KIAA1217: variants seen among roughly 807,000 people sequenced by gnomAD.
KIAA1217 encodes the protein sickle tail protein homolog.
Under a neutral mutation model 163.9 loss-of-function variants are expected in KIAA1217, and 88 were observed. The ratio of observed to expected loss-of-function variants is 0.54; its 90% CI spans 0.45 to 0.64. KIAA1217 has a LOEUF of 0.64. Among genes scored for constraint, KIAA1217 ranks in the 30% least tolerant of loss-of-function variants. The probability of loss-of-function intolerance (pLI) is 0.00; values close to 1 mark genes in which losing one functional copy is unlikely to be tolerated. For missense variants in KIAA1217, 2,372 were observed against 2,475.0 expected (o/e 0.96, Z 0.88); for synonymous variants, 903 against 923.1 (o/e 0.98, Z 0.39).
chr10:24,230,502 G>GTTTTTTTTTTTT (rs71397936), intron 2 of KIAA1217, among the ~76,000 whole-genome samples: 5 of 90,606 alleles, frequency 5.5e-5, no homozygotes, highest in African/African-American at 1.3e-4. Context: ...TATTTGTTTT[G>GTTTTTTTTTTTT]TTTTTTTTTT....
intron 2 of KIAA1217, among the ~76,000 whole-genome samples, chr10:24,316,226 A>T (rs1408163046): frequency 1.3e-5 from 2 of 152,170 alleles, no homozygotes; most frequent in Non-Finnish European, 2.9e-5. Flanking sequence ...CTGTGATTTG[A>T]GTCCCTTCAA....
chr10:24,482,876 T>C (rs1475919410), intron 6 of KIAA1217: 1 of 151,936 alleles, frequency 6.6e-6, no homozygotes, highest in African/African-American at 2.4e-5. Context: ...TTTGAAAAAT[T>C]AGGTGTGGTG....
At chr10:24,451,464 A>G (rs771486037) in intron 5 of KIAA1217, among the ~76,000 whole-genome samples, 1 of 152,254 alleles carries the variant, frequency 6.6e-6, no homozygotes, top group Non-Finnish European at 1.5e-5. Context: ...AGACATCAAC[A>G]CAGCAGCAAA....
At chr10:23,984,796 CA>C (rs1472137929) in intron 1 of KIAA1217, among the ~76,000 whole-genome samples, 2 of 151,862 alleles carry the variant, frequency 1.3e-5, no homozygotes, top group African/African-American at 4.8e-5. Context: ...AGCATTAGGA[CA>C]AGTACCTAAT....
At chr10:24,066,940 A>G (rs1031877896) in intron 2 of KIAA1217, among the ~76,000 whole-genome samples, 15 of 152,166 alleles carry the variant, frequency 9.9e-5, no homozygotes, top group African/African-American at 3.4e-4. Context: ...TGCATCAGTT[A>G]CTGAGGCTTG....
chr10:24,176,601 A>G (rs1224216459), intron 2 of KIAA1217, among the ~76,000 whole-genome samples: 1 of 152,224 alleles, frequency 6.6e-6, no homozygotes, highest in Non-Finnish European at 1.5e-5. Flanking sequence ...TGCATTTACA[A>G]TCCTCCAGCT....
chr10:23,906,741 G>T (rs1842178036), intron 1 of KIAA1217, among the ~76,000 whole-genome samples: 1 of 152,108 alleles, frequency 6.6e-6, no homozygotes, highest in Non-Finnish European at 1.5e-5. Context: ...AGTTATTACT[G>T]CTGGAGCTCT....
chr10:24,178,487 ACTTTTC>A (rs2066013012), intron 2 of KIAA1217, among the ~76,000 whole-genome samples: 1 of 152,214 alleles, frequency 6.6e-6, no homozygotes, highest in Non-Finnish European at 1.5e-5. Flanking sequence ...GAAATTCTGG[ACTTTTC>A]CTTTGTAACT....
chr10:24,271,113 C>G (rs1245031252), intron 2 of KIAA1217, among the ~76,000 whole-genome samples: 1 of 152,120 alleles, frequency 6.6e-6, no homozygotes, highest in Non-Finnish European at 1.5e-5. Flanking sequence ...TAGTTTGGCT[C>G]CATTTTCAAA....
chr10:24,344,538 A>C (rs2047486908), intron 2 of KIAA1217, among the ~76,000 whole-genome samples: 1 of 152,228 alleles, frequency 6.6e-6, no homozygotes, highest in African/African-American at 2.4e-5. Flanking sequence ...ATTATTGGGG[A>C]ATGTGGAAAC....
At chr10:24,028,604 G>T (rs1018547129) in intron 2 of KIAA1217, among the ~76,000 whole-genome samples, 1 of 152,152 alleles carries the variant, frequency 6.6e-6, no homozygotes, top group African/African-American at 2.4e-5. Context: ...CAAGGAGCAT[G>T]TGACCAATTG....
intron 2 of KIAA1217, among the ~76,000 whole-genome samples, chr10:24,164,790 G>A (rs59755412): frequency 2.6e-5 from 4 of 152,124 alleles, no homozygotes; most frequent in Non-Finnish European, 4.4e-5. Flanking sequence ...AGGTGGAAAG[G>A]CCCTGCTATC....
At chr10:24,435,839 C>T (rs1325687590) in intron 4 of KIAA1217, among the ~76,000 whole-genome samples, 6 of 151,480 alleles carry the variant, frequency 4.0e-5, no homozygotes, top group South Asian at 2.1e-4. Flanking sequence ...CTTGTTGATC[C>T]GTAAGTTGTA....
At chr10:24,067,972 G>A (rs186356452) in intron 2 of KIAA1217, among the ~76,000 whole-genome samples, 225 of 152,312 alleles carry the variant, frequency 1.5e-3, no homozygotes, top group African/African-American at 4.6e-3. Flanking sequence ...CTGGTGTGCC[G>A]TTTGTGAAGC....
At chr10:24,249,390 T>C (rs1234753138) in intron 2 of KIAA1217, among the ~76,000 whole-genome samples, 1 of 152,220 alleles carries the variant, frequency 6.6e-6, no homozygotes, top group Admixed American at 6.5e-5. Flanking sequence ...GAGAAAGCTA[T>C]AATTTACGCA....
intron 1 of KIAA1217, among the ~76,000 whole-genome samples, chr10:23,824,582 G>T (rs1436981392): frequency 3.1e-5 from 4 of 130,954 alleles, no homozygotes; most frequent in African/African-American, 1.1e-4. Flanking sequence ...GAGCTGAGAT[G>T]GCGCCATTGC....
intron 2 of KIAA1217, among the ~76,000 whole-genome samples, chr10:24,371,113 C>T (rs1352316969): frequency 6.6e-6 from 1 of 152,076 alleles, no homozygotes; most frequent in Non-Finnish European, 1.5e-5. Flanking sequence ...GGGGAGGAGT[C>T]AGAGAGCAGT....
intron 1 of KIAA1217, among the ~76,000 whole-genome samples, chr10:23,791,107 CTT>C (rs906393011): frequency 2.6e-5 from 4 of 152,130 alleles, no homozygotes; most frequent in African/African-American, 9.7e-5. Flanking sequence ...AAAAAAGACT[CTT>C]TTGACATCTA....
At chr10:23,989,818 G>T (rs928839757) in intron 1 of KIAA1217, among the ~76,000 whole-genome samples, 3 of 152,184 alleles carry the variant, frequency 2.0e-5, no homozygotes, top group African/African-American at 7.2e-5. Flanking sequence ...GAAGATAAGA[G>T]TTTAGGTTTA....
Sources: allele counts gnomAD v4.1 joint callset (sites outside exome capture counted in the v4.1 genomes callset), GRCh38; gene constraint gnomAD v4.1.1; transcripts MANE v1.5; gene names NCBI Gene and HGNC (gene_info 2026-07-23, HGNC 2026-07-21).